ALG6: variants seen among roughly 807,000 people sequenced by gnomAD.
The protein encoded by ALG6 is ALG6 alpha-1,3-glucosyltransferase.
ALG6 carries 46 observed loss-of-function variants against 66.6 expected under a neutral mutation model. The observed-to-expected ratio is 0.69, with a 90% CI of 0.55 to 0.88. The LOEUF (loss-of-function observed/expected upper bound fraction) is 0.88. Among genes scored for constraint, ALG6 ranks in the 40% least tolerant of loss-of-function variants. ALG6 has a pLI of 0.00. For missense variants in ALG6, 505 were observed against 586.8 expected (o/e 0.86, Z 1.44); for synonymous variants, 185 against 203.7 (o/e 0.91, Z 0.78).
At chr1:63,431,516 A>C (rs1644645282) in intron 14 of ALG6, among the ~76,000 whole-genome samples, 1 of 152,136 alleles carries the variant, frequency 6.6e-6, no homozygotes, top group African/African-American at 2.4e-5. Context: ...TCCCAGGCTC[A>C]AGCAGTCTTC....
chr1:63,400,315 A>G (rs1644454883), intron 3 of ALG6, among the ~76,000 whole-genome samples: 1 of 13,500 alleles, frequency 7.4e-5, no homozygotes, highest in Non-Finnish European at 1.1e-4. Context: ...ATGTATATAT[A>G]TATACGTATA....
At chr1:63,407,717 C>G (rs1011727853) in intron 7 of ALG6, among the ~76,000 whole-genome samples, 1 of 151,968 alleles carries the variant, frequency 6.6e-6, no homozygotes, top group African/African-American at 2.4e-5. Context: ...GTCTCCATCT[C>G]TCTTAAAGGA....
At chr1:63,410,704 A>G (rs1376766130) in intron 7 of ALG6, among the ~76,000 whole-genome samples, 1 of 152,170 alleles carries the variant, frequency 6.6e-6, no homozygotes, top group African/African-American at 2.4e-5. Flanking sequence ...TTTCTAATTA[A>G]GTACATATAT....
At chr1:63,402,418 G>A (rs576772824) in intron 4 of ALG6, 75 bp downstream of exon 4, 2 of 890,024 alleles carry the variant, frequency 2.2e-6, no homozygotes, top group East Asian at 4.9e-5. Flanking sequence ...GTGTGATGGG[G>A]CTTTCTTGAC....
intron 3 of ALG6, among the ~76,000 whole-genome samples, chr1:63,398,606 G>A (rs1421036205): frequency 6.6e-6 from 1 of 151,990 alleles, no homozygotes; most frequent in East Asian, 1.9e-4. Flanking sequence ...CCGAGTAGCT[G>A]GGACTACAGG....
intron 4 of ALG6, among the ~76,000 whole-genome samples, chr1:63,402,816 G>A (rs1644471558): frequency 6.6e-6 from 1 of 150,958 alleles, no homozygotes; most frequent in Non-Finnish European, 1.5e-5. Flanking sequence ...ATAACTATTG[G>A]CTGGGAGTGG....
At chr1:63,372,666 C>T (rs749188188) in intron 2 of ALG6, among the ~76,000 whole-genome samples, 27 of 151,830 alleles carry the variant, frequency 1.8e-4, no homozygotes, top group Non-Finnish European at 2.9e-4. Context: ...CTGTGTATAT[C>T]GTAGCTTTTT....
Position 63,402,298 on chromosome 1 carries a change from A to T in ALG6, c.212A>T (p.Asp71Val), listed in dbSNP as rs1409560755. 5 of 1,612,226 alleles carry T rather than the reference A, an allele frequency of 3.1e-6. No individual in the cohort carries two copies. The African/African-American group carries it at 6.7e-5, about 22-fold the overall frequency. Residue 71 changes from aspartate (D) to valine (V), a missense_variant, in exon 4 of 15, where the codon GAT (aspartate) becomes GTT (valine). Transcript: ENST00000263440. ...SDNNLQYWGL[D>V]YPPLTAYHSL... ...AACAATTTACAGTATTGGGGATTGGATTACCCACCTCTTACAGCTTATCAT... is the reference window on the plus strand; with the variant it reads ...AACAATTTACAGTATTGGGGATTGGTTTACCCACCTCTTACAGCTTATCAT...
chr1:63,418,990 A>G (rs1644559777), intron 11 of ALG6, among the ~76,000 whole-genome samples: 1 of 152,196 alleles, frequency 6.6e-6, no homozygotes, highest in Non-Finnish European at 1.5e-5. Context: ...AAACACCAAA[A>G]TAGATTTGTT....
At chr1:63,421,946 C>T (rs1644575749) in intron 12 of ALG6, among the ~76,000 whole-genome samples, 1 of 149,528 alleles carries the variant, frequency 6.7e-6, no homozygotes, top group African/African-American at 2.5e-5. Context: ...TGCAGCAAAC[C>T]ACCATGGCAC....
chr1:63,369,291 C>A (rs1189169290), intron 1 of ALG6, among the ~76,000 whole-genome samples: 2 of 152,150 alleles, frequency 1.3e-5, no homozygotes, highest in African/African-American at 4.8e-5. Context: ...TTAGCCATTC[C>A]AATCAGTTCT....
At chr1:63,422,028 A>G (rs991797738) in intron 12 of ALG6, among the ~76,000 whole-genome samples, 4 of 141,184 alleles carry the variant, frequency 2.8e-5, no homozygotes, top group Non-Finnish European at 6.0e-5. Flanking sequence ...ATATATACAT[A>G]TATGTATATA....
chr1:63,369,544 G>A (rs750248603), intron 1 of ALG6, among the ~76,000 whole-genome samples: 7 of 151,622 alleles, frequency 4.6e-5, no homozygotes, highest in African/African-American at 9.7e-5. Context: ...GAAGACAATC[G>A]CTTGAACCCA....
intron 14 of ALG6, among the ~76,000 whole-genome samples, 157 bp from the exon 15 acceptor site, chr1:63,436,666 T>C (rs1221994759): frequency 6.6e-6 from 1 of 152,172 alleles, no homozygotes; most frequent in Admixed American, 6.5e-5. Context: ...ACTCCTCATA[T>C]GATTCTAATA....
At chr1:63,434,437 G>GA (rs1274417621) in intron 14 of ALG6, among the ~76,000 whole-genome samples, 1 of 152,120 alleles carries the variant, frequency 6.6e-6, no homozygotes, top group Non-Finnish European at 1.5e-5. Flanking sequence ...GAGACCAAGA[G>GA]TTTTTTACAT....
chr1:63,391,234 A>G (rs887243731), intron 2 of ALG6, among the ~76,000 whole-genome samples: 4 of 152,232 alleles, frequency 2.6e-5, no homozygotes, highest in African/African-American at 9.7e-5. Context: ...GTAACAAAAG[A>G]CAGATTAACA....
intron 13 of ALG6, 54 bp downstream of exon 13, chr1:63,428,855 A>C: frequency 6.3e-7 from 1 of 1,588,864 alleles, no homozygotes; most frequent in Non-Finnish European, 8.6e-7. Flanking sequence ...AAACTAATTT[A>C]AAACTTTTTT....
chr1:63,419,038 G>T (rs138190878), intron 11 of ALG6, among the ~76,000 whole-genome samples: 1,806 of 152,104 alleles, frequency 0.012, 38 homozygotes, highest in African/African-American at 0.04. Flanking sequence ...GTCTTTCATG[G>T]TTTTAAATTT....
intron 2 of ALG6, among the ~76,000 whole-genome samples, chr1:63,382,291 T>A (rs922984320): frequency 4.0e-5 from 6 of 151,612 alleles, no homozygotes; most frequent in African/African-American, 1.5e-4. Context: ...AACCTCTGCC[T>A]CCCCGGTTCA....
Sources: gnomAD v4.1 joint callset for allele counts (sites outside exome capture counted in the v4.1 genomes callset) on GRCh38, gnomAD v4.1.1 for gene constraint, MANE v1.5 for transcripts, NCBI Gene and HGNC (gene_info 2026-07-23, HGNC 2026-07-21) for gene names.